ADAMTS17: variants seen among roughly 807,000 people sequenced by gnomAD.
The protein encoded by ADAMTS17 is ADAM metallopeptidase with thrombospondin type 1 motif 17.
Under a neutral mutation model 141.5 loss-of-function variants are expected in ADAMTS17, and 113 were observed. The observed-to-expected ratio is 0.80, with a 90% CI of 0.69 to 0.93. The LOEUF is 0.93. ADAMTS17 is among the 40% of genes least tolerant of loss of function. ADAMTS17 has a pLI of 0.00. For synonymous variants in ADAMTS17, 768 were observed against 630.6 expected (o/e 1.22, Z -3.27); for missense variants, 1,659 against 1,517.9 (o/e 1.09, Z -1.54).
chr15:100,310,362 G>T (rs1596494061), intron 3 of ADAMTS17, among the ~76,000 whole-genome samples: 1 of 152,232 alleles, frequency 6.6e-6, no homozygotes, highest in African/African-American at 2.4e-5. Flanking sequence ...GGCAGCAGTG[G>T]AAACAGTTTA....
intron 13 of ADAMTS17, among the ~76,000 whole-genome samples, chr15:100,116,200 T>G (rs2037121155): frequency 6.8e-6 from 1 of 146,104 alleles, no homozygotes; most frequent in Admixed American, 6.8e-5. Context: ...CCTCATCTAT[T>G]AAGGACATTA....
rs535352959 is a variant in ADAMTS17, at chr15:100,248,227, T to G, written c.1075+5909A>C. On this transcript the variant is annotated intron_variant, in intron 7 of 21. Coordinates refer to ENST00000268070, the MANE Select transcript of ADAMTS17 (RefSeq NM_139057.4). ...GGCCCTTCCATTAATTAAAAAATAG[T>G]AGGAGACCAAGCAAAGGGCAAAAAG... is the stretch of plus-strand genomic sequence containing the variant. Among the ~76,000 whole-genome samples, 6 of 152,090 alleles carry G rather than the reference T, an allele frequency of 3.9e-5. No homozygotes were observed. In the South Asian group the frequency reaches 1.3e-3, roughly 32 times the overall value.
chr15:100,064,391 T>C (rs2033365297), intron 15 of ADAMTS17, among the ~76,000 whole-genome samples: 1 of 152,196 alleles, frequency 6.6e-6, no homozygotes, highest in Non-Finnish European at 1.5e-5. Flanking sequence ...GGCACTTTGT[T>C]ACGGAAACCA....
chr15:100,219,784 T>C (rs1252458161), intron 7 of ADAMTS17, among the ~76,000 whole-genome samples: 2 of 152,214 alleles, frequency 1.3e-5, no homozygotes, highest in Non-Finnish European at 2.9e-5. Flanking sequence ...GCTAGAAACC[T>C]GGAAGCATTC....
intron 19 of ADAMTS17, among the ~76,000 whole-genome samples, chr15:99,996,620 A>G (rs937100083): frequency 6.6e-6 from 1 of 152,254 alleles, no homozygotes; most frequent in Non-Finnish European, 1.5e-5. Context: ...AATGGGCGGA[A>G]TACTTTTTTA....
At chr15:100,214,132 C>T (rs1531689) in intron 7 of ADAMTS17, among the ~76,000 whole-genome samples, 20,500 of 152,112 alleles carry the variant, frequency 0.13, 1,583 homozygotes, top group East Asian at 0.28. Context: ...AATGGAACCC[C>T]GGAGTAGCTC....
chr15:100,008,832 C>A (rs765716986), intron 18 of ADAMTS17, among the ~76,000 whole-genome samples: 6 of 152,134 alleles, frequency 3.9e-5, no homozygotes, highest in African/African-American at 1.4e-4. Flanking sequence ...CAGTTTGTGC[C>A]GTTTTTGTTT....
In ADAMTS17 at chr15:100,239,364, G is replaced by A. The variant is rs149544887; in HGVS notation, c.1075+14772C>T. On this transcript the variant is annotated intron_variant, in intron 7 of 21. Coordinates refer to ENST00000268070, the MANE Select transcript of ADAMTS17 (RefSeq NM_139057.4). ...CAAGCACGGGATGAGGAGCGGCGCT[G>A]GTTGTGGTCTTTCCTACCTGTCAAT... Among the ~76,000 whole-genome samples the A allele has an allele frequency of 3.3e-5, 5 of 152,334 alleles. No homozygotes were observed. In the East Asian group the frequency reaches 7.7e-4, roughly 23 times the overall value.
intron 4 of ADAMTS17, among the ~76,000 whole-genome samples, chr15:100,270,954 C>T (rs955926401): frequency 2.6e-5 from 4 of 151,712 alleles, no homozygotes; most frequent in African/African-American, 9.7e-5. Context: ...ATTCGACTTT[C>T]CGTCTCTGTG....
In ADAMTS17 at chr15:99,993,180, T is replaced by A; in HGVS notation, c.2817A>T (p.Lys939Asn). The change falls in exon 20 of 22, where the codon AAA becomes AAT. Residue 939 changes from lysine (K) to asparagine (N), a missense_variant. By Grantham distance (94) the Lys-to-Asn change is moderately conservative (BLOSUM62 0). Transcript: ENST00000268070. This position sits in a 1 kb window ranked among gnomAD's most constrained non-coding sequence, Gnocchi z 4.3. ...EWSQCSASCGKGVWKRTVACT... is the reference protein window; with the variant it reads ...EWSQCSASCGNGVWKRTVACT... ...ACGCCACGGTCCGTTTCCACACCCC[T>A]TTACCACAGCTGGCAGAGCACTGCA... 1 of 1,614,170 alleles carries A rather than the reference T, an allele frequency of 6.2e-7. No individual in the cohort carries two copies.
chr15:100,152,760 G>T lies in ADAMTS17; in HGVS notation c.1325C>A (p.Ser442Ter). 1 of 1,614,132 alleles carries T rather than the reference G, an allele frequency of 6.2e-7. No homozygotes were observed. Among genetic ancestry groups the T allele is most frequent in the South Asian group, 1.1e-5 (1 of 91,058 alleles). ...GACTAGCAAGCAGGTGCTGACTTTT[G>T]ACCTGAAACAGCCGAGAGGCAAGTT... Reference protein sequence around the residue: ...SRDDLENFLKSKVSTCLLVTD... With the variant: ...SRDDLENFLK The change falls in exon 10 of 22, where the codon TCA becomes TAA. Residue 442 changes from serine to a stop codon, truncating the protein, a stop_gained and splice_region_variant. Transcript: ENST00000268070. LOFTEE classifies it high-confidence loss of function.
chr15:100,049,275 G>A (rs922417361), intron 17 of ADAMTS17, among the ~76,000 whole-genome samples: 4 of 152,186 alleles, frequency 2.6e-5, no homozygotes, highest in South Asian at 2.1e-4. Flanking sequence ...CTTGGGGTTC[G>A]TTGATTTGGG....
chr15:99,976,449 C>T (rs140129148), intron 20 of ADAMTS17: 34 of 646,864 alleles, frequency 5.3e-5, no homozygotes, highest in Middle Eastern at 8.2e-4. Context: ...TGTGGCTGCC[C>T]CTGGGCTGGG....
intron 8 of ADAMTS17, among the ~76,000 whole-genome samples, chr15:100,156,940 G>C (rs994005813): frequency 1.3e-5 from 2 of 152,224 alleles, no homozygotes; most frequent in African/African-American, 2.4e-5. Context: ...TTTCACACTT[G>C]AAACTGGGCA....
chr15:100,341,327 G>C lies in ADAMTS17; in HGVS notation c.162C>G (p.Pro54=), dbSNP rs1355218728. Residue 54 remains proline (P), a synonymous_variant, in exon 2 of 22, where the codon CCC becomes CCG. Transcript: ENST00000268070. ...RPDDVHLPPL[P]AAPGPRRRRR... ...GCCGCCGTCGGGGCCCGGGGGCTGC[G>C]GGCAGCGGCGGCAGGTGCACGTCGT... is the stretch of plus-strand genomic sequence containing the variant. 9 of 1,025,768 alleles carry C rather than the reference G, an allele frequency of 8.8e-6. No homozygotes were observed. The highest frequency in any genetic ancestry group is 1.0e-5 in the Non-Finnish European group (9 of 858,620). The allele number at this position is 1,025,768 out of a possible 1,614,324, so 63.5% of individuals were successfully genotyped here.
intron 14 of ADAMTS17, among the ~76,000 whole-genome samples, chr15:100,097,758 T>C (rs974508526): frequency 2.6e-5 from 4 of 152,260 alleles, no homozygotes; most frequent in Non-Finnish European, 4.4e-5. Flanking sequence ...TCCCAGGAGA[T>C]GCTGAGGCTG....
At chr15:100,283,507 C>T (rs1454936113) in intron 3 of ADAMTS17, among the ~76,000 whole-genome samples, 1 of 152,252 alleles carries the variant, frequency 6.6e-6, no homozygotes, top group African/African-American at 2.4e-5. Context: ...CACCCTCGTT[C>T]TCCCAGGCGA....
chr15:99,988,177 G>A (rs918947448), intron 20 of ADAMTS17, among the ~76,000 whole-genome samples: 3 of 152,024 alleles, frequency 2.0e-5, no homozygotes, highest in Non-Finnish European at 4.4e-5. Flanking sequence ...CAAATCTCAT[G>A]CCGAAATGTG....
chr15:100,121,647 A>T (rs1224950304), intron 12 of ADAMTS17, among the ~76,000 whole-genome samples: 1 of 152,056 alleles, frequency 6.6e-6, no homozygotes, highest in Non-Finnish European at 1.5e-5. Flanking sequence ...ATAAACAAAA[A>T]ATGGAGAAAG....
Sources: gnomAD v4.1 joint callset for allele counts (sites outside exome capture counted in the v4.1 genomes callset) on GRCh38, gnomAD v4.1.1 for gene constraint, Gnocchi (gnomAD v3.1) non-coding constraint, MANE v1.5 for transcripts, NCBI Gene and HGNC (gene_info 2026-07-23, HGNC 2026-07-21) for gene names.